ZNF410: variants seen among roughly 807,000 people sequenced by gnomAD.
ZNF410 encodes the protein zinc finger protein 410.
Under a neutral mutation model 54.8 loss-of-function variants are expected in ZNF410, and 18 were observed. The ratio of observed to expected loss-of-function variants is 0.33; its 90% CI spans 0.23 to 0.49. The LOEUF (loss-of-function observed/expected upper bound fraction) is 0.49, where lower values mean the gene tolerates loss of function less well. ZNF410 is among the 20% of genes least tolerant of loss of function. The pLI, the probability that ZNF410 is intolerant of heterozygous loss-of-function variation, is 0.99. For missense variants in ZNF410, 405 were observed against 569.6 expected (o/e 0.71, Z 2.94); for synonymous variants, 191 against 207.3 (o/e 0.92, Z 0.68).
At chr14:73,909,887 C>T (rs1401433940) in intron 8 of ZNF410, among the ~76,000 whole-genome samples, 1 of 152,142 alleles carries the variant, frequency 6.6e-6, no homozygotes. Context: ...GAAACTATGC[C>T]TTTGGCAAAC....
rs927569910 is a variant in ZNF410, at chr14:73,918,760, G to A, written c.1004-2220G>A. Among the ~76,000 whole-genome samples, 8 of 136,056 alleles carry A rather than the reference G, an allele frequency of 5.9e-5. No homozygotes were observed. The East Asian group carries it at 1.5e-3, about 26-fold the overall frequency. 89.3% of individuals were successfully genotyped at this position (136,056 alleles called of 152,430 possible). A position where few individuals can be genotyped will look rare whatever the true frequency, so the allele number is the denominator to read the frequency against. ...GTCTCCCAGGCTGGAGTGCAGTGGC[G>A]TGATGTCGGCTCACTGCAAGCTCTG... is the stretch of plus-strand genomic sequence containing the variant. On this transcript the variant is annotated intron_variant, in intron 8 of 11. Coordinates refer to ENST00000555044, the MANE Select transcript of ZNF410 (RefSeq NM_021188.3).
chr14:73,923,609 T>C lies in ZNF410; in HGVS notation c.1398+87T>C, dbSNP rs113883872. The stretch of plus-strand genomic sequence containing the variant: ...AGAGGACCTGAAAAAGTCTCCAGTT[T>C]CCATTTCCTGGAAACTTTGGCACGA... On this transcript the variant is annotated intron_variant, in intron 11 of 11. Coordinates refer to ENST00000555044, the MANE Select transcript of ZNF410 (RefSeq NM_021188.3). 7.5e-4 allele frequency: 1,130 copies of C among 1,503,700 alleles called. 7 individuals are homozygous for C. In the African/African-American group the frequency reaches 0.014, roughly 19 times the overall value. 93.1% of individuals were successfully genotyped at this position (1,503,700 alleles called of 1,614,324 possible). A position where few individuals can be genotyped will look rare whatever the true frequency, so the allele number is the denominator to read the frequency against.
intron 1 of ZNF410, among the ~76,000 whole-genome samples, chr14:73,890,126 G>T (rs11623463): frequency 0.34 from 50,778 of 151,112 alleles, 9,551 homozygotes; most frequent in Non-Finnish European, 0.42. Context: ...TGAAAAATGA[G>T]GATTTCAGGT....
intron 9 of ZNF410, 186 bp downstream of exon 9, chr14:73,921,291 T>G (rs1481873737): frequency 3.3e-6 from 2 of 598,414 alleles, no homozygotes; most frequent in Middle Eastern, 4.8e-4. Context: ...CTTTTAAAAT[T>G]TATATACTTT....
chr14:73,929,262 T>G (rs1280337056), intron 11 of ZNF410, among the ~76,000 whole-genome samples: 1 of 152,028 alleles, frequency 6.6e-6, no homozygotes, highest in African/African-American at 2.4e-5. Flanking sequence ...ATACCTTCAG[T>G]TTTTTTTCAA....
At chr14:73,929,263 T>C (rs2055877095) in intron 11 of ZNF410, among the ~76,000 whole-genome samples, 1 of 152,240 alleles carries the variant, frequency 6.6e-6, no homozygotes, top group South Asian at 2.1e-4. Flanking sequence ...TACCTTCAGT[T>C]TTTTTTCAAG....
chr14:73,912,177 T>C (rs1045927225), intron 8 of ZNF410, among the ~76,000 whole-genome samples: 22 of 150,950 alleles, frequency 1.5e-4, no homozygotes, highest in African/African-American at 4.9e-4. Context: ...TTCTTTTTTT[T>C]TTTTTTTTTT....
intron 3 of ZNF410, chr14:73,895,521 CATCAACTAATGAATG>C (rs1595386756): frequency 6.7e-6 from 1 of 149,768 alleles, no homozygotes; most frequent in African/African-American, 2.4e-5. Flanking sequence ...CTTTAGTGTT[CATCAACTAATGAATG>C]CATTTAAAAA....
chr14:73,893,963 A>G, intron 3 of ZNF410, 31 bp downstream of exon 3: 1 of 1,591,550 alleles, frequency 6.3e-7, no homozygotes, highest in Admixed American at 1.8e-5. Flanking sequence ...AAATAGGATA[A>G]AGAAGTCTTA....
At chr14:73,919,659 G>A (rs1403788231) in intron 8 of ZNF410, among the ~76,000 whole-genome samples, 3 of 152,154 alleles carry the variant, frequency 2.0e-5, no homozygotes, top group South Asian at 2.1e-4. Context: ...TGGTGTGTAT[G>A]TGCCACATTT....
At chr14:73,906,031 G>A (rs1300674964) in intron 7 of ZNF410, among the ~76,000 whole-genome samples, 2 of 124,904 alleles carry the variant, frequency 1.6e-5, no homozygotes, top group East Asian at 2.5e-4. Flanking sequence ...ATGGAGTCTT[G>A]CTCTGTTGCC....
intron 1 of ZNF410, among the ~76,000 whole-genome samples, chr14:73,891,137 G>A (rs900773958): frequency 3.3e-5 from 5 of 151,496 alleles, no homozygotes; most frequent in Non-Finnish European, 5.9e-5. Flanking sequence ...AAACAATATG[G>A]TTGCCTTTTA....
chr14:73,907,158 T>C (rs2055502058), intron 7 of ZNF410, among the ~76,000 whole-genome samples: 1 of 152,224 alleles, frequency 6.6e-6, no homozygotes, highest in Admixed American at 6.5e-5. Flanking sequence ...CCCAACATCA[T>C]GCAGGTAGGA....
At chr14:73,910,585 C>A (rs2055560745) in intron 8 of ZNF410, among the ~76,000 whole-genome samples, 1 of 151,694 alleles carries the variant, frequency 6.6e-6, no homozygotes, top group Admixed American at 6.6e-5. Context: ...TGAGATTAGC[C>A]TACTAAAAAA....
chr14:73,896,741 G>T (rs1167617183), intron 4 of ZNF410, among the ~76,000 whole-genome samples: 1 of 152,120 alleles, frequency 6.6e-6, no homozygotes, highest in Admixed American at 6.5e-5. Context: ...ATTATGTAGT[G>T]CCATTTACTG....
Position 73,909,267 on chromosome 14 carries a change from G to A in ZNF410, c.914-74G>A. 3.1e-6 allele frequency: 4 copies of A among 1,283,946 alleles called. No homozygotes were observed. In the South Asian group the frequency reaches 5.1e-5, roughly 17 times the overall value. 79.5% of individuals were successfully genotyped at this position (1,283,946 alleles called of 1,614,324 possible). On this transcript the variant is annotated intron_variant, in intron 7 of 11. Coordinates refer to ENST00000555044, the MANE Select transcript of ZNF410 (RefSeq NM_021188.3). ...GGTAAGTCATTAGACTCTGAATAAA[G>A]TTGGTGGGAAAAGAGAGTAACAGGT... is the stretch of plus-strand genomic sequence containing the variant.
chr14:73,906,637 G>A (rs772617959), intron 7 of ZNF410, among the ~76,000 whole-genome samples: 1 of 152,022 alleles, frequency 6.6e-6, no homozygotes, highest in South Asian at 2.1e-4. Flanking sequence ...GCACCACCAC[G>A]CCCAGACATT....
chr14:73,887,264 G>A (rs2055157453), intron 1 of ZNF410: 1 of 152,520 alleles, frequency 6.6e-6, no homozygotes, highest in Admixed American at 6.5e-5. Context: ...ACGGACCTTG[G>A]GGCCTTATTT....
intron 2 of ZNF410, chr14:73,893,342 T>A (rs1025153566): frequency 6.5e-6 from 1 of 152,800 alleles, no homozygotes; most frequent in African/African-American, 2.4e-5. Context: ...TATGCGAACA[T>A]GGTAGAGTAT....
Sources: gnomAD v4.1 joint callset for allele counts (sites outside exome capture counted in the v4.1 genomes callset) on GRCh38, gnomAD v4.1.1 for gene constraint, MANE v1.5 for transcripts, NCBI Gene and HGNC (gene_info 2026-07-23, HGNC 2026-07-21) for gene names.